The following TAS1R1 variants were observed in gnomAD, a reference collection of about 807,000 sequenced individuals.
TAS1R1 encodes the protein taste receptor type 1 member 1.
Under a neutral mutation model 45.8 loss-of-function variants are expected in TAS1R1, and 31 were observed. That is an observed-to-expected ratio of 0.68 (90% CI 0.51 to 0.91). The LOEUF (loss-of-function observed/expected upper bound fraction) is 0.91, where lower values mean the gene tolerates loss of function less well. Ranked by LOEUF, TAS1R1 falls within the 40% of genes least tolerant of loss-of-function variation. The probability of loss-of-function intolerance (pLI) is 0.00; values close to 1 mark genes in which losing one functional copy is unlikely to be tolerated. For missense variants in TAS1R1, 1,051 were observed against 1,063.9 expected (o/e 0.99, Z 0.17); for synonymous variants, 437 against 448.4 (o/e 0.97, Z 0.32).
In TAS1R1 at chr1:6,571,001, A is replaced by C. The variant is rs1474298256; in HGVS notation, c.284A>C (p.Asn95Thr). ...EINNSTALLP[N>T]ITLGYQLYDV... is the part of the protein sequence containing the mutation. Reference sequence around the variant, plus strand: ...AACAACTCCACGGCCCTGCTGCCCAACATCACCCTGGGGTACCAGCTGTAT... The same window carrying C: ...AACAACTCCACGGCCCTGCTGCCCACCATCACCCTGGGGTACCAGCTGTAT... The change falls in exon 2 of 6, where the codon AAC (asparagine) becomes ACC (threonine). Residue 95 changes from asparagine (N) to threonine (T), a missense_variant. Coordinates refer to ENST00000333172, the MANE Select transcript of TAS1R1 (RefSeq NM_138697.4). 1 of 1,614,050 alleles carries C rather than the reference A, an allele frequency of 6.2e-7. No homozygotes were observed.
At position 6,572,700 on chromosome 1, in the gene TAS1R1, G is replaced by A. The variant is rs577332417; in HGVS notation, c.498+1485G>A. Among the ~76,000 whole-genome samples, 21 of 151,746 alleles carry A rather than the reference G, an allele frequency of 1.4e-4. No individual in the cohort carries two copies. The East Asian group carries it at 2.9e-3, about 21-fold the overall frequency. On this transcript the variant is annotated intron_variant, in intron 2 of 5. Coordinates refer to ENST00000333172, the MANE Select transcript of TAS1R1 (RefSeq NM_138697.4). ...CCTCTGAAAAGGTAGGTGATTCCCC[G>A]GAGCAGGCTTCGCCCTCCTCTCCTC... is the stretch of plus-strand genomic sequence containing the variant.
At chr1:6,563,344 C>G (rs562016571) in intron 1 of TAS1R1, among the ~76,000 whole-genome samples, 1 of 152,312 alleles carries the variant, frequency 6.6e-6, no homozygotes, top group South Asian at 2.1e-4. Context: ...AAAGTCAGAC[C>G]GGTGCCGGCG....
chr1:6,579,332 G>T lies in TAS1R1; in HGVS notation c.2274G>T (p.Glu758Asp), dbSNP rs34857011. 9 of 1,614,010 alleles carry T rather than the reference G, an allele frequency of 5.6e-6. No individual in the cohort carries two copies. The highest frequency in any genetic ancestry group is 7.6e-6 in the Non-Finnish European group (9 of 1,180,042). Residue 758 changes from glutamate to aspartate, a missense_variant, in exon 6 of 6, where the codon GAG becomes GAT. Physicochemically the swap from Glu to Asp is conservative, Grantham distance 45. Coordinates refer to ENST00000333172, the MANE Select transcript of TAS1R1 (RefSeq NM_138697.4). ...LGKDLPENYN[E>D]AKCVTFSLLF... ...AGGACTTGCCAGAGAACTACAACGAGGCCAAATGTGTCACCTTCAGCCTGC... is the reference window on the plus strand; with the variant it reads ...AGGACTTGCCAGAGAACTACAACGATGCCAAATGTGTCACCTTCAGCCTGC...
At position 6,579,265 on chromosome 1, in the gene TAS1R1, G is replaced by GC; in HGVS notation, c.2209dup (p.Leu737ProfsTer14). On this transcript the variant is annotated frameshift_variant, in exon 6 of 6. Transcript: ENST00000333172. LOFTEE classifies it low-confidence loss of function (END_TRUNC). ...TTCATACTGGCCTTCCTCTACAATG[G>GC]CCTCCTCTCCATCAGTGCCTTTGCC... 6.2e-7 allele frequency: 1 copy of GC among 1,614,184 alleles called. No homozygotes were observed. Among genetic ancestry groups the GC allele is most frequent in the African/African-American group, 1.3e-5 (1 of 75,042 alleles).
intron 1 of TAS1R1, among the ~76,000 whole-genome samples, chr1:6,561,870 A>G (rs1282564530): frequency 6.6e-6 from 1 of 152,184 alleles, no homozygotes; most frequent in Non-Finnish European, 1.5e-5. Flanking sequence ...CGTGGGGGCT[A>G]CGAGGTCCAG....
At position 6,574,714 on chromosome 1, in the gene TAS1R1, C is replaced by T. The variant is rs952343830; in HGVS notation, c.582C>T (p.Tyr194=). 1 of 1,614,156 alleles carries T rather than the reference C, an allele frequency of 6.2e-7. No homozygotes were observed. Among genetic ancestry groups the T allele is most frequent in the African/African-American group, 1.3e-5 (1 of 74,954 alleles). ...TGCGCACCATCCCCAATGACAAGTA[C>T]CAGGTGGAGACCATGGTGCTGCTGC... The part of the protein sequence containing the change: ...SFLRTIPNDK[Y]QVETMVLLLQ... The change falls in exon 3 of 6, where the codon TAC becomes TAT. Residue 194 remains tyrosine, a synonymous_variant. Transcript: ENST00000333172. This position sits in a 1 kb window ranked among gnomAD's most constrained non-coding sequence, Gnocchi z 4.3.
At chr1:6,563,097 C>T (rs1639816762) in intron 1 of TAS1R1, among the ~76,000 whole-genome samples, 1 of 152,150 alleles carries the variant, frequency 6.6e-6, no homozygotes, top group South Asian at 2.1e-4. Flanking sequence ...GGTGAATGGC[C>T]ATACAGCCTG....
At chr1:6,568,497 G>T (rs1189840468) in intron 1 of TAS1R1, among the ~76,000 whole-genome samples, 1 of 126,186 alleles carries the variant, frequency 7.9e-6, no homozygotes, top group African/African-American at 2.9e-5. Context: ...TCCTTCTTGG[G>T]AGGCAGTGTC....
In TAS1R1 at chr1:6,574,670, C is replaced by T. The variant is rs534950007; in HGVS notation, c.538C>T (p.Arg180Trp). 2.0e-5 allele frequency: 32 copies of T among 1,612,840 alleles called. No individual in the cohort carries two copies. Among genetic ancestry groups the T allele is most frequent in the East Asian group, 8.9e-5 (4 of 44,844 alleles). The change falls in exon 3 of 6, where the codon CGG becomes TGG. Residue 180 changes from arginine to tryptophan, a missense_variant. By Grantham distance (101) the Arg-to-Trp change is moderately radical (BLOSUM62 -3). Transcript: ENST00000333172. This position sits in a 1 kb window ranked among gnomAD's most constrained non-coding sequence, Gnocchi z 4.3. Reference sequence around the variant, plus strand: ...CAGCAGCGAGACGCTCAGCGTGAAGCGGCAGTATCCCTCTTTCCTGCGCAC... The same window carrying T: ...CAGCAGCGAGACGCTCAGCGTGAAGTGGCAGTATCCCTCTTTCCTGCGCAC... ...AASSETLSVK[R>W]QYPSFLRTIP...
rs1640014589 is a variant in TAS1R1 at position 6,571,476 on chromosome 1, T to C, written c.498+261T>C. ...TCCTTGGGAACTACTGCCACTCAGC[T>C]GTACCCCTGCTGCCCTCCACTTCCC... On this transcript the variant is annotated intron_variant, in intron 2 of 5. Coordinates refer to ENST00000333172, the MANE Select transcript of TAS1R1 (RefSeq NM_138697.4). Among the ~76,000 whole-genome samples, 8 of 152,168 alleles carry C rather than the reference T, an allele frequency of 5.3e-5. No homozygotes were observed. The South Asian group carries it at 1.7e-3, about 32-fold the overall frequency.
intron 1 of TAS1R1, among the ~76,000 whole-genome samples, chr1:6,565,657 G>A (rs978639253): frequency 6.6e-5 from 10 of 152,310 alleles, no homozygotes; most frequent in Non-Finnish European, 1.3e-4. Flanking sequence ...CTGTTGCCCA[G>A]GCTGGAGTGC....
Position 6,576,557 on chromosome 1 carries a change from C to T in TAS1R1, c.1403C>T (p.Ser468Phe), listed in dbSNP as rs1421813596. 6.2e-7 allele frequency: 1 copy of T among 1,614,240 alleles called. No homozygotes were observed. The highest frequency in any genetic ancestry group is 8.5e-7 in the Non-Finnish European group (1 of 1,180,044). ...AAGTGGACCTTCACGGTCCTCGGTT[C>T]CTCCACATGGTCTCCAGTTCAGCTA... ...GPKWTFTVLG[S>F]STWSPVQLNI... The change falls in exon 4 of 6, where the codon TCC (serine) becomes TTC (phenylalanine). Residue 468 changes from serine to phenylalanine, a missense_variant. Transcript: ENST00000333172.
rs1488618804 is a variant in TAS1R1, at chr1:6,577,062, A to G, written c.1586A>G (p.Asn529Ser). Residue 529 changes from asparagine (N) to serine (S), a missense_variant, in exon 5 of 6, where the codon AAC (asparagine) becomes AGC (serine). Coordinates refer to ENST00000333172, the MANE Select transcript of TAS1R1 (RefSeq NM_138697.4). ...CVPCGAGTFL[N>S]KSDLYRCQPC... The stretch of plus-strand genomic sequence containing the variant: ...CCCTGTGGGGCTGGGACCTTCCTCA[A>G]CAAGAGTGGTGAGTGGGCAATGGAG... The G allele has an allele frequency of 9.9e-6, 16 of 1,614,140 alleles. No homozygotes were observed. The highest frequency in any genetic ancestry group is 1.7e-5 in the Admixed American group (1 of 60,014).
At chr1:6,569,108 GGA>G (rs1639943167) in intron 1 of TAS1R1, among the ~76,000 whole-genome samples, 1 of 151,326 alleles carries the variant, frequency 6.6e-6, no homozygotes, top group Non-Finnish European at 1.5e-5. Context: ...CAGGGTGGTT[GGA>G]GAGAGGGGGA....
chr1:6,555,338 C>T lies in TAS1R1; in HGVS notation c.-36C>T, dbSNP rs1557798928. The T allele has an allele frequency of 1.3e-6, 2 of 1,532,104 alleles. No individual in the cohort carries two copies. The highest frequency in any genetic ancestry group is 2.4e-5 in the East Asian group (1 of 42,128). The allele number at this position is 1,532,104 out of a possible 1,614,324, so 94.9% of individuals were successfully genotyped here. A position where few individuals can be genotyped will look rare whatever the true frequency, so the allele number is the denominator to read the frequency against. ...AAGCAACTGGCCTCCTTAGAGGCCACTCCTTGGCCATGCCAGGCGCGGGCA... is the reference window on the plus strand; with the variant it reads ...AAGCAACTGGCCTCCTTAGAGGCCATTCCTTGGCCATGCCAGGCGCGGGCA... On this transcript the variant is annotated 5_prime_UTR_variant, in exon 1 of 6. Coordinates refer to ENST00000333172, the MANE Select transcript of TAS1R1 (RefSeq NM_138697.4).
chr1:6,574,936 C>A lies in TAS1R1; in HGVS notation c.804C>A (p.Ala268=). The A allele has an allele frequency of 6.2e-7, 1 of 1,612,248 alleles. No homozygotes were observed. Among genetic ancestry groups the A allele is most frequent in the Non-Finnish European group, 8.5e-7 (1 of 1,178,544 alleles). ...TGCGCCACCTGGCCCAGGCCGGGGC[C>A]ACCGTCGTGGTTGTTTTTTCCAGCC... ...CLMRHLAQAG[A]TVVVVFSSRQ... is the part of the protein sequence containing the mutation. Residue 268 remains alanine (A), a synonymous_variant, in exon 3 of 6, where the codon GCC becomes GCA. Coordinates refer to ENST00000333172, the MANE Select transcript of TAS1R1 (RefSeq NM_138697.4). The surrounding 1 kb of genome is among the most constrained non-coding windows in gnomAD (Gnocchi z 4.3).
In TAS1R1 at chr1:6,563,146, A is replaced by G. The variant is rs1639817545; in HGVS notation, c.191+7582A>G. Among the ~76,000 whole-genome samples, 2 of 152,182 alleles carry G rather than the reference A, an allele frequency of 1.3e-5. 1 individual carries two copies. The highest frequency in any genetic ancestry group is 1.3e-4 in the Admixed American group (2 of 15,276). On this transcript the variant is annotated intron_variant, in intron 1 of 5. Coordinates refer to ENST00000333172, the MANE Select transcript of TAS1R1 (RefSeq NM_138697.4). ...ACAAAATCTTGATTGTTTAGTAAAGAGCTGGTGGTGACTTTTAGGGGTCCT... is the reference window on the plus strand; with the variant it reads ...ACAAAATCTTGATTGTTTAGTAAAGGGCTGGTGGTGACTTTTAGGGGTCCT...
In TAS1R1 at chr1:6,571,174, GC is replaced by G; in HGVS notation, c.459del (p.Thr154ProfsTer6). 2 of 1,595,194 alleles carry G rather than the reference GC, an allele frequency of 1.3e-6. No individual in the cohort carries two copies. The highest frequency in any genetic ancestry group is 1.7e-6 in the Non-Finnish European group (2 of 1,169,392). The part of the protein sequence containing the change: ...VIGPDSTNRA[A>X]TTAALLSPFL... ...TGGGCCTGACAGCACCAACCGTGCT[GC>G]CACCACAGCCGCCCTGCTGAGCCCT... On this transcript the variant is annotated frameshift_variant, in exon 2 of 6. Coordinates refer to ENST00000333172, the MANE Select transcript of TAS1R1 (RefSeq NM_138697.4). LOFTEE classifies it high-confidence loss of function.
rs760627360 is a variant in TAS1R1 at position 6,574,597 on chromosome 1, G to A, written c.499-34G>A. The A allele has an allele frequency of 1.3e-6, 2 of 1,567,658 alleles. No individual in the cohort carries two copies. The highest frequency in any genetic ancestry group is 1.2e-5 in the South Asian group (1 of 82,138). On this transcript the variant is annotated intron_variant, in intron 2 of 5. Transcript: ENST00000333172. This position sits in a 1 kb window ranked among gnomAD's most constrained non-coding sequence, Gnocchi z 4.3. ...GCCAGGCACTGGGGGGGCCTTCAGT[G>A]GAGACTGAAATGGCTGAACGGGACC...
Sources: gnomAD v4.1 joint callset for allele counts (sites outside exome capture counted in the v4.1 genomes callset) on GRCh38, gnomAD v4.1.1 for gene constraint, Gnocchi (gnomAD v3.1) non-coding constraint, MANE v1.5 for transcripts, NCBI Gene and HGNC (gene_info 2026-07-23, HGNC 2026-07-21) for gene names.